The following ZNF475 variants were observed in gnomAD, a reference collection of about 807,000 sequenced individuals.
ZNF475 encodes the protein zinc finger protein 475.
At chr5:122,182,207 T>C in the ZNF475 span, among the ~76,000 whole-genome samples, 2 of 152,226 alleles carry the variant, frequency 1.3e-5, no homozygotes, top group African/African-American at 4.8e-5. Context: ...TAAAACAATG[T>C]CTTTCCCTTT....
chr5:122,180,187 A>G, the ZNF475 span: 1 of 152,746 alleles, frequency 6.5e-6, no homozygotes, highest in Non-Finnish European at 1.5e-5. Flanking sequence ...CACCAGGTCC[A>G]CTAGTCAGGT....
At chr5:122,166,131 G>T in the ZNF475 span, among the ~76,000 whole-genome samples, 25 of 152,160 alleles carry the variant, frequency 1.6e-4, no homozygotes, top group African/African-American at 6.0e-4. Context: ...ATAATTGTAG[G>T]CTGGAGGGTA....
chr5:122,164,431 A>T, the ZNF475 span, among the ~76,000 whole-genome samples: 2 of 152,230 alleles, frequency 1.3e-5, no homozygotes, highest in Non-Finnish European at 2.9e-5. Flanking sequence ...TAAAGCCAAG[A>T]GGAGGCAGTA....
At chr5:122,161,106 C>A in the ZNF475 span, among the ~76,000 whole-genome samples, 2 of 152,222 alleles carry the variant, frequency 1.3e-5, no homozygotes, top group Non-Finnish European at 2.9e-5. Flanking sequence ...GGGACTCCAT[C>A]TTCTTCTCTC....
At chr5:122,181,808 A>G in the ZNF475 span, among the ~76,000 whole-genome samples, 4 of 152,174 alleles carry the variant, frequency 2.6e-5, no homozygotes, top group African/African-American at 9.7e-5. Context: ...AAATAAAGCC[A>G]TATGCTTTTT....
chr5:122,179,880 C>A, the ZNF475 span: 2 of 535,872 alleles, frequency 3.7e-6, no homozygotes, highest in Non-Finnish European at 6.3e-6. Context: ...AAAAACAGTT[C>A]TGAAATGCCT....
chr5:122,171,960 G>T, the ZNF475 span, among the ~76,000 whole-genome samples: 5 of 152,008 alleles, frequency 3.3e-5, no homozygotes, highest in East Asian at 1.9e-4. Context: ...GCTCAGGCTG[G>T]TCTCAAACCC....
the ZNF475 span, among the ~76,000 whole-genome samples, chr5:122,170,653 C>G: frequency 6.6e-6 from 1 of 152,114 alleles, no homozygotes; most frequent in South Asian, 2.1e-4. Flanking sequence ...TATGGAGGTT[C>G]CATTTCACAG....
At chr5:122,170,508 A>C in the ZNF475 span, among the ~76,000 whole-genome samples, 1 of 152,178 alleles carries the variant, frequency 6.6e-6, no homozygotes, top group Non-Finnish European at 1.5e-5. Context: ...CAGCCAGATG[A>C]ATAGGTACAC....
chr5:122,180,019 G>C, the ZNF475 span: 4 of 208,446 alleles, frequency 1.9e-5, no homozygotes, highest in Non-Finnish European at 3.8e-5. Flanking sequence ...CAAACCCTTT[G>C]AATGTAAAAT....
chr5:122,178,026 A>G, the ZNF475 span, among the ~76,000 whole-genome samples: 14 of 152,144 alleles, frequency 9.2e-5, no homozygotes, highest in Admixed American at 8.5e-4. Flanking sequence ...TAGTTTGCTG[A>G]CAATGGTGGT....
chr5:122,165,654 C>T, the ZNF475 span, among the ~76,000 whole-genome samples: 1 of 151,548 alleles, frequency 6.6e-6, no homozygotes, highest in Admixed American at 6.6e-5. Context: ...CTCTTTGACT[C>T]TTAGGTTAAT....
chr5:122,182,612 ACGATCTTGTAAACCCAAAGC>A, the ZNF475 span: 1 of 1,535,390 alleles, frequency 6.5e-7, no homozygotes, highest in Non-Finnish European at 8.7e-7. Flanking sequence ...TTGTTCACCA[ACGATCTTGTAAACCCAAAGC>A]CGCCAAGTAA....
the ZNF475 span, among the ~76,000 whole-genome samples, chr5:122,171,725 A>G: frequency 6.6e-6 from 1 of 151,608 alleles, no homozygotes; most frequent in East Asian, 1.9e-4. Context: ...AATTAATTTT[A>G]TATTCTCTTC....
the ZNF475 span, among the ~76,000 whole-genome samples, chr5:122,168,078 T>G: frequency 6.6e-6 from 1 of 152,228 alleles, no homozygotes; most frequent in African/African-American, 2.4e-5. Context: ...GGAGTCTCAG[T>G]CTGTTTCCCA....
the ZNF475 span, among the ~76,000 whole-genome samples, chr5:122,176,578 C>T: frequency 1.2e-3 from 184 of 152,264 alleles, no homozygotes; most frequent in Non-Finnish European, 2.4e-3. Context: ...CCTTCCTCTC[C>T]CCAGTGTCAG....
At chr5:122,166,887 A>C in the ZNF475 span, among the ~76,000 whole-genome samples, 23 of 152,162 alleles carry the variant, frequency 1.5e-4, no homozygotes, top group African/African-American at 5.3e-4. Flanking sequence ...TGGCATTTCT[A>C]GTTCTAGATC....
the ZNF475 span, among the ~76,000 whole-genome samples, chr5:122,170,587 C>G: frequency 1.3e-5 from 2 of 152,196 alleles, no homozygotes; most frequent in South Asian, 4.1e-4. Flanking sequence ...ACACTCCCAG[C>G]ACCTCAATGG....
the ZNF475 span, among the ~76,000 whole-genome samples, chr5:122,180,389 A>G: frequency 1.3e-5 from 2 of 152,264 alleles, no homozygotes; most frequent in African/African-American, 2.4e-5. Flanking sequence ...CTAGACATCT[A>G]TTTTAAATGT....
Sources: allele counts gnomAD v4.1 joint callset (sites outside exome capture counted in the v4.1 genomes callset), GRCh38; gene constraint gnomAD v4.1.1; transcripts MANE v1.5; gene names NCBI Gene and HGNC (gene_info 2026-07-23, HGNC 2026-07-21).